The following OLA1 variants were observed in gnomAD, a reference collection of about 807,000 sequenced individuals.
OLA1 encodes obg-like ATPase 1.
OLA1 carries 14 observed loss-of-function variants against 48.4 expected under a neutral mutation model. The observed-to-expected ratio is 0.29, with a 90% confidence interval of 0.19 to 0.45. The LOEUF is 0.45. OLA1 is among the 20% of genes least tolerant of loss of function. The pLI, the probability that OLA1 is intolerant of heterozygous loss-of-function variation, is 1.00. For synonymous variants in OLA1, 127 were observed against 150.4 expected (o/e 0.84, Z 1.14); for missense variants, 325 against 467.1 (o/e 0.70, Z 2.80).
chr2:174,148,383 A>T (rs977025275), intron 4 of OLA1, among the ~76,000 whole-genome samples: 2 of 152,184 alleles, frequency 1.3e-5, no homozygotes, highest in Non-Finnish European at 2.9e-5. Context: ...GAGTGAGACT[A>T]CATCTCAAAT....
intron 4 of OLA1, among the ~76,000 whole-genome samples, chr2:174,156,645 C>T (rs1011877158): frequency 2.7e-4 from 36 of 135,616 alleles, no homozygotes; most frequent in African/African-American, 9.1e-4. Context: ...AGTGCAGTGG[C>T]GCCATCTTGG....
At chr2:174,235,348 G>C (rs1372159010) in intron 2 of OLA1, among the ~76,000 whole-genome samples, 1 of 151,966 alleles carries the variant, frequency 6.6e-6, no homozygotes, top group Non-Finnish European at 1.5e-5. Flanking sequence ...GAAAGAACAG[G>C]CATTCTGGAA....
intron 4 of OLA1, among the ~76,000 whole-genome samples, chr2:174,188,553 A>G (rs1191015210): frequency 6.6e-6 from 1 of 152,126 alleles, no homozygotes; most frequent in East Asian, 1.9e-4. Flanking sequence ...CTTTTCACAT[A>G]TTAATGACAT....
At chr2:174,128,597 T>C (rs1686099964) in intron 5 of OLA1, among the ~76,000 whole-genome samples, 1 of 151,578 alleles carries the variant, frequency 6.6e-6, no homozygotes, top group African/African-American at 2.4e-5. Flanking sequence ...ATTAGCTAGA[T>C]GTGGTGACAG....
rs1353635317 is a variant in OLA1 at position 174,095,334 on chromosome 2, T to G, written c.729-13270A>C. On this transcript the variant is annotated intron_variant, in intron 7 of 10. Transcript: ENST00000284719. The stretch of plus-strand genomic sequence containing the variant: ...GCACTTGTTATTTCCTGTTTTTTTT[T>G]TTTTTTTTTTTTTTTGTTGTTGTTG... Among the ~76,000 whole-genome samples the G allele has an allele frequency of 1.2e-4, 15 of 121,378 alleles. No individual in the cohort carries two copies. The East Asian group carries it at 2.3e-3, about 19-fold the overall frequency. 79.6% of individuals were successfully genotyped at this position (121,378 alleles called of 152,430 possible).
chr2:174,143,939 G>T (rs902219752), intron 4 of OLA1, among the ~76,000 whole-genome samples: 2 of 152,004 alleles, frequency 1.3e-5, no homozygotes, highest in African/African-American at 4.8e-5. Context: ...GTCTCTACAA[G>T]AAATTTTTAA....
intron 4 of OLA1, among the ~76,000 whole-genome samples, chr2:174,156,709 G>A (rs747359702): frequency 1.3e-5 from 2 of 150,000 alleles, no homozygotes; most frequent in East Asian, 4.1e-4. Context: ...CTCAGCCTCC[G>A]GAGTAGCTGG....
chr2:174,238,173 A>G (rs1023549356), intron 2 of OLA1, among the ~76,000 whole-genome samples: 4 of 152,216 alleles, frequency 2.6e-5, no homozygotes, highest in Admixed American at 6.5e-5. Context: ...TAAGCACATG[A>G]AAAGATGTCA....
At chr2:174,165,238 T>C (rs1023878999) in intron 4 of OLA1, among the ~76,000 whole-genome samples, 1 of 152,276 alleles carries the variant, frequency 6.6e-6, no homozygotes, top group African/African-American at 2.4e-5. Context: ...TAATAATGAG[T>C]ATCTACTGTC....
chr2:174,084,075 G>A (rs1194098594), intron 7 of OLA1, among the ~76,000 whole-genome samples: 5 of 152,086 alleles, frequency 3.3e-5, no homozygotes, highest in African/African-American at 9.7e-5. Flanking sequence ...TTCCTCTACC[G>A]CCAATGTGAG....
intron 5 of OLA1, among the ~76,000 whole-genome samples, chr2:174,123,898 A>G (rs760259140): frequency 3.3e-4 from 50 of 152,206 alleles, no homozygotes; most frequent in Non-Finnish European, 6.5e-4. Context: ...ATTAGCAAAA[A>G]TTAGTAACAG....
chr2:174,167,763 A>C (rs1185259690), intron 4 of OLA1, among the ~76,000 whole-genome samples: 4 of 152,210 alleles, frequency 2.6e-5, no homozygotes, highest in Non-Finnish European at 4.4e-5. Flanking sequence ...TTTTTTCCTT[A>C]AGGTTCAAAA....
At chr2:174,210,385 G>A (rs929594434) in intron 4 of OLA1, among the ~76,000 whole-genome samples, 3 of 151,988 alleles carry the variant, frequency 2.0e-5, no homozygotes, top group Admixed American at 6.6e-5. Flanking sequence ...TTTAAAATAC[G>A]CATACATCAT....
At chr2:174,149,947 T>C (rs1686705816) in intron 4 of OLA1, among the ~76,000 whole-genome samples, 1 of 152,222 alleles carries the variant, frequency 6.6e-6, no homozygotes, top group Admixed American at 6.5e-5. Flanking sequence ...TAAACTTGGG[T>C]TGCATTCAGT....
rs1370873980 is a variant in OLA1 at position 174,075,127 on chromosome 2, A to G, written c.*299T>C. The G allele has an allele frequency of 1.1e-5, 3 of 280,072 alleles. No individual in the cohort carries two copies. Among genetic ancestry groups the G allele is most frequent in the African/African-American group, 6.8e-5 (3 of 44,188 alleles). The allele number at this position is 280,072 out of a possible 1,614,324, so 17.3% of individuals were successfully genotyped here. ...CACTGTCAAATGTGTCAGGCTTGGC[A>G]TACATGATGGAGATTAATGAAGTAT... On this transcript the variant is annotated 3_prime_UTR_variant, in exon 11 of 11. Coordinates refer to ENST00000284719, the MANE Select transcript of OLA1 (RefSeq NM_013341.5).
chr2:174,141,159 T>C (rs930808144), intron 5 of OLA1, among the ~76,000 whole-genome samples: 5 of 152,310 alleles, frequency 3.3e-5, no homozygotes, highest in African/African-American at 1.2e-4. Flanking sequence ...CTTGAACTTC[T>C]GATCTCAGGT....
intron 2 of OLA1, among the ~76,000 whole-genome samples, chr2:174,230,726 C>A (rs1183583131): frequency 6.6e-6 from 1 of 152,136 alleles, no homozygotes; most frequent in African/African-American, 2.4e-5. Context: ...AACCAGATTT[C>A]TTCAACAGGT....
intron 7 of OLA1, among the ~76,000 whole-genome samples, chr2:174,088,108 G>A (rs1685024434): frequency 6.6e-6 from 1 of 152,096 alleles, no homozygotes; most frequent in Non-Finnish European, 1.5e-5. Context: ...TACACAAAAT[G>A]ATGCAACTTA....
intron 7 of OLA1, among the ~76,000 whole-genome samples, chr2:174,096,021 T>A (rs1685246987): frequency 6.6e-6 from 1 of 152,210 alleles, no homozygotes; most frequent in South Asian, 2.1e-4. Flanking sequence ...CACAGTGAGA[T>A]ACCACTTCAC....
Sources: gnomAD v4.1 joint callset for allele counts (sites outside exome capture counted in the v4.1 genomes callset) on GRCh38, gnomAD v4.1.1 for gene constraint, MANE v1.5 for transcripts, NCBI Gene and HGNC (gene_info 2026-07-23, HGNC 2026-07-21) for gene names.